PACRG: variants seen among roughly 807,000 people sequenced by gnomAD.
PACRG encodes the protein parkin coregulated gene protein.
In PACRG, 29 loss-of-function variants were observed where a neutral mutation model predicts 29.7. The ratio of observed to expected loss-of-function variants is 0.98; its 90% confidence interval spans 0.73 to 1.33. The LOEUF is 1.33. Ranked by LOEUF, PACRG falls within the 40% of genes most tolerant of loss-of-function variation. The pLI is 0.00. For synonymous variants in PACRG, 116 were observed against 118.7 expected (o/e 0.98, Z 0.15); for missense variants, 279 against 316.2 (o/e 0.88, Z 0.89).
intron 1 of PACRG, among the ~76,000 whole-genome samples, chr6:162,738,112 TG>T (rs1780303015): frequency 6.6e-6 from 1 of 152,214 alleles, no homozygotes; most frequent in African/African-American, 2.4e-5. Flanking sequence ...CAGCTTAATT[TG>T]TACTCTGTCC....
In PACRG at chr6:163,055,992, A is replaced by G. The variant is rs1358409331; in HGVS notation, c.292-6158A>G. Among the ~76,000 whole-genome samples the G allele has an allele frequency of 6.6e-6, 1 of 152,236 alleles. No individual in the cohort carries two copies. Among genetic ancestry groups the G allele is most frequent in the Non-Finnish European group, 1.5e-5 (1 of 68,038 alleles). ...AGGAAAATGTTTTCAAGGTTCATTC[A>G]TGTTGTGTCATGTATCAGATGCTCC... On this transcript the variant is annotated intron_variant, in intron 2 of 4. Coordinates refer to ENST00000366888, the MANE Select transcript of PACRG (RefSeq NM_001080379.2). This position sits in a 1 kb window ranked among gnomAD's most constrained non-coding sequence, Gnocchi z 4.0.
chr6:162,949,318 T>C (rs376178837), intron 2 of PACRG, among the ~76,000 whole-genome samples: 107 of 152,096 alleles, frequency 7.0e-4, no homozygotes, highest in African/African-American at 2.5e-3. Flanking sequence ...TTTATGGAGG[T>C]AAAGAGTAGA....
chr6:163,227,411 A>T (rs550146333), intron 4 of PACRG, among the ~76,000 whole-genome samples: 1 of 152,324 alleles, frequency 6.6e-6, no homozygotes, highest in African/African-American at 2.4e-5. Flanking sequence ...CCTCGCCTCC[A>T]ACACTGGGGA....
intron 2 of PACRG, among the ~76,000 whole-genome samples, chr6:162,864,245 A>G (rs905171096): frequency 6.6e-6 from 1 of 152,224 alleles, no homozygotes; most frequent in Non-Finnish European, 1.5e-5. Flanking sequence ...ACTGCCAATT[A>G]TCCATATTTT....
chr6:163,274,234 A>G (rs1191022058), intron 4 of PACRG, among the ~76,000 whole-genome samples: 1 of 152,024 alleles, frequency 6.6e-6, no homozygotes, highest in Non-Finnish European at 1.5e-5. Flanking sequence ...CCTGTGTCCA[A>G]ATGTTCTCAT....
At chr6:163,302,072 A>G (rs1266795511) in intron 4 of PACRG, among the ~76,000 whole-genome samples, 2 of 152,240 alleles carry the variant, frequency 1.3e-5, no homozygotes, top group African/African-American at 4.8e-5. Flanking sequence ...GGACAAATAA[A>G]CATTCTTTAT....
At chr6:163,240,093 C>A (rs1283146575) in intron 4 of PACRG, among the ~76,000 whole-genome samples, 1 of 152,034 alleles carries the variant, frequency 6.6e-6, no homozygotes, top group Non-Finnish European at 1.5e-5. Flanking sequence ...CACACACTCA[C>A]ACACACAACT....
intron 1 of PACRG, among the ~76,000 whole-genome samples, chr6:162,747,355 TATATATATACACATACATATA>T: frequency 1.4e-5 from 1 of 73,690 alleles, no homozygotes; most frequent in Middle Eastern, 6.3e-3. Context: ...TATATATATA[TATATATATACACATACATATA>T]TATGTATATA....
intron 1 of PACRG, among the ~76,000 whole-genome samples, chr6:162,755,536 A>G (rs1584250852): frequency 6.6e-6 from 1 of 151,972 alleles, no homozygotes. Flanking sequence ...CCCTGGTTCA[A>G]GTGATTCTCC....
At chr6:162,814,003 T>G (rs1415075310) in intron 1 of PACRG, 144 bp from the exon 2 acceptor site, 1 of 822,060 alleles carries the variant, frequency 1.2e-6, no homozygotes, top group East Asian at 2.9e-5. Flanking sequence ...TTAACAGATT[T>G]CTGTTGTCCC....
chr6:162,794,706 C>T (rs1161494739), intron 1 of PACRG, among the ~76,000 whole-genome samples: 1 of 152,172 alleles, frequency 6.6e-6, no homozygotes, highest in Non-Finnish European at 1.5e-5. Context: ...CCCCATTCAT[C>T]AGCAATGTCA....
intron 1 of PACRG, among the ~76,000 whole-genome samples, chr6:162,773,611 T>A (rs1323136081): frequency 1.4e-5 from 2 of 146,018 alleles, no homozygotes; most frequent in Non-Finnish European, 3.0e-5. Flanking sequence ...GCTTCCCGGG[T>A]TCACGCCATT....
chr6:163,305,406 C>T (rs1395937316), intron 4 of PACRG, among the ~76,000 whole-genome samples: 3 of 152,174 alleles, frequency 2.0e-5, no homozygotes, highest in Non-Finnish European at 4.4e-5. Flanking sequence ...AGGTTCTCCT[C>T]GTGCCTCTGG....
intron 2 of PACRG, among the ~76,000 whole-genome samples, chr6:162,985,750 A>C (rs982796408): frequency 6.6e-6 from 1 of 152,090 alleles, no homozygotes; most frequent in African/African-American, 2.4e-5. Context: ...CAAAATGGTA[A>C]AGAGGAAGTC....
chr6:162,818,799 A>G (rs1787578208), intron 2 of PACRG, among the ~76,000 whole-genome samples: 3 of 152,132 alleles, frequency 2.0e-5, no homozygotes, highest in African/African-American at 7.2e-5. Context: ...CTTGTTTTCC[A>G]CTAAATTTCT....
Position 162,910,429 on chromosome 6 carries a change from A to T in PACRG, c.291+96148A>T, listed in dbSNP as rs188974460. Among the ~76,000 whole-genome samples, 27 of 152,328 alleles carry T rather than the reference A, an allele frequency of 1.8e-4. No homozygotes were observed. In the East Asian group the frequency reaches 4.6e-3, roughly 26 times the overall value. On this transcript the variant is annotated intron_variant, in intron 2 of 4. Coordinates refer to ENST00000366888, the MANE Select transcript of PACRG (RefSeq NM_001080379.2). ...TGATTACTTTCTGTATAAGATTGTA[A>T]CATGAACCATGTAGCTTTGAGATAT...
At chr6:163,105,062 A>G (rs1815307458) in intron 4 of PACRG, among the ~76,000 whole-genome samples, 1 of 152,180 alleles carries the variant, frequency 6.6e-6, no homozygotes, top group African/African-American at 2.4e-5. Flanking sequence ...ACATTTTCTT[A>G]GAAATTTCTA....
chr6:162,939,566 T>A (rs1414724710), intron 2 of PACRG, among the ~76,000 whole-genome samples: 1 of 152,186 alleles, frequency 6.6e-6, no homozygotes, highest in African/African-American at 2.4e-5. Context: ...CTTACTCTTC[T>A]TGCTCTTCTC....
At chr6:163,159,494 C>G (rs993963915) in intron 4 of PACRG, among the ~76,000 whole-genome samples, 1 of 151,990 alleles carries the variant, frequency 6.6e-6, no homozygotes, top group African/African-American at 2.4e-5. Context: ...TGCTGAATCT[C>G]TAGTGGAAAG....
Sources: allele counts gnomAD v4.1 joint callset (sites outside exome capture counted in the v4.1 genomes callset), GRCh38; gene constraint gnomAD v4.1.1; non-coding constraint Gnocchi (gnomAD v3.1); transcripts MANE v1.5; gene names NCBI Gene and HGNC (gene_info 2026-07-23, HGNC 2026-07-21).